CLSTN2: variants seen among roughly 807,000 people sequenced by gnomAD.
The protein encoded by CLSTN2 is calsyntenin-2.
A neutral mutation model predicts 101.2 loss-of-function variants in CLSTN2; 48 were observed. The ratio of observed to expected loss-of-function variants is 0.47; its 90% CI spans 0.38 to 0.60. The LOEUF (loss-of-function observed/expected upper bound fraction) is 0.60, where lower values mean the gene tolerates loss of function less well. CLSTN2 is among the 20% of genes least tolerant of loss of function. CLSTN2 has a pLI of 0.00. For missense variants in CLSTN2, 1,160 were observed against 1,238.2 expected, an observed-to-expected ratio of 0.94 and a Z score of 0.95; for synonymous variants, 481 against 463.6, an observed-to-expected ratio of 1.04 and a Z score of -0.48.
intron 2 of CLSTN2, among the ~76,000 whole-genome samples, chr3:140,239,937 A>G (rs200784629): frequency 0.042 from 24 of 576 alleles, no homozygotes; most frequent in South Asian, 0.5. Flanking sequence ...ATATATGTGT[A>G]TATATATATA....
intron 4 of CLSTN2, among the ~76,000 whole-genome samples, chr3:140,420,643 T>C (rs76044471): frequency 0.024 from 3,614 of 152,286 alleles, 134 homozygotes; most frequent in African/African-American, 0.083. Context: ...ACTTCCTATT[T>C]GGTAGCAAAA....
At chr3:140,444,225 T>C (rs13085384) in intron 5 of CLSTN2, among the ~76,000 whole-genome samples, 25,144 of 151,964 alleles carry the variant, frequency 0.17, 2,529 homozygotes, top group South Asian at 0.32. Flanking sequence ...AGGTCAGGAG[T>C]TCGAGACCAG....
intron 2 of CLSTN2, among the ~76,000 whole-genome samples, chr3:140,349,936 C>G (rs962276442): frequency 2.6e-5 from 4 of 152,206 alleles, no homozygotes; most frequent in Non-Finnish European, 5.9e-5. Flanking sequence ...CCACCTCTGA[C>G]ATCCTCCCCT....
At chr3:140,215,561 G>A (rs1324181083) in intron 2 of CLSTN2, among the ~76,000 whole-genome samples, 2 of 152,130 alleles carry the variant, frequency 1.3e-5, no homozygotes, top group Non-Finnish European at 2.9e-5. Context: ...TGTAATCTTG[G>A]AGAAACCTGA....
intron 1 of CLSTN2, among the ~76,000 whole-genome samples, chr3:140,166,363 A>G (rs2010135236): frequency 6.6e-6 from 1 of 152,182 alleles, no homozygotes; most frequent in South Asian, 2.1e-4. Context: ...CCAGCCTGAC[A>G]ATTGGAATAA....
chr3:140,416,436 T>C (rs1576555579), intron 4 of CLSTN2, among the ~76,000 whole-genome samples: 1 of 152,088 alleles, frequency 6.6e-6, no homozygotes, highest in East Asian at 1.9e-4. Context: ...GTTAAATAGC[T>C]TGATCATGGT....
intron 5 of CLSTN2, among the ~76,000 whole-genome samples, chr3:140,429,729 A>G (rs2088609223): frequency 6.6e-6 from 1 of 152,196 alleles, no homozygotes; most frequent in Non-Finnish European, 1.5e-5. Flanking sequence ...TTCTGAGTGC[A>G]CTTTCAAGTA....
At chr3:140,278,364 G>A (rs934406781) in intron 2 of CLSTN2, among the ~76,000 whole-genome samples, 3 of 151,784 alleles carry the variant, frequency 2.0e-5, no homozygotes, top group Admixed American at 6.6e-5. Context: ...ACACTTGAGC[G>A]AGCGGGTCCC....
chr3:140,568,577 G>A lies in CLSTN2; in HGVS notation c.*2324G>A, dbSNP rs1008869350. 3.9e-5 allele frequency: 6 copies of A among 152,180 alleles called. No homozygotes were observed. Among genetic ancestry groups the A allele is most frequent in the Non-Finnish European group, 7.3e-5 (5 of 68,036 alleles). 9.4% of individuals were successfully genotyped at this position (152,180 alleles called of 1,614,324 possible). ...CATTTAAATAAAAAAAAGATCTTTA[G>A]TTGGGCATTTAGGAGCAACTGAATT... On this transcript the variant is annotated 3_prime_UTR_variant, in exon 17 of 17. Transcript: ENST00000458420.
At chr3:140,155,918 A>T (rs2009946428) in intron 1 of CLSTN2, among the ~76,000 whole-genome samples, 1 of 151,990 alleles carries the variant, frequency 6.6e-6, no homozygotes, top group African/African-American at 2.4e-5. Flanking sequence ...TACAAGAGTA[A>T]GAAGCTGACA....
chr3:140,119,323 T>G (rs2009301096), intron 1 of CLSTN2, among the ~76,000 whole-genome samples: 1 of 152,232 alleles, frequency 6.6e-6, no homozygotes, highest in Non-Finnish European at 1.5e-5. Context: ...ACTTAGATGC[T>G]GAGGCTTGGA....
chr3:140,533,595 C>CA (rs1935302930), intron 9 of CLSTN2, among the ~76,000 whole-genome samples: 1 of 151,586 alleles, frequency 6.6e-6, no homozygotes, highest in African/African-American at 2.4e-5. Context: ...CTTGTAGTCC[C>CA]AGCTACTCGG....
At chr3:140,013,554 C>A (rs998428538) in intron 1 of CLSTN2, among the ~76,000 whole-genome samples, 3 of 152,098 alleles carry the variant, frequency 2.0e-5, no homozygotes, top group African/African-American at 4.8e-5. Flanking sequence ...TTTTCTGAGG[C>A]TTTTTCAATC....
Position 140,244,105 on chromosome 3 carries a change from C to T in CLSTN2, c.232+68032C>T, listed in dbSNP as rs561815715. The stretch of plus-strand genomic sequence containing the variant: ...TGAGTGCTAAGGGAAGAAGCGCTTG[C>T]ATCTGAATTCAGTTGTGGCTAACAG... On this transcript the variant is annotated intron_variant, in intron 2 of 16. Transcript: ENST00000458420. 2.0e-5 allele frequency among the ~76,000 whole-genome samples: 3 copies of T among 152,310 alleles called. No homozygotes were observed. In the South Asian group the frequency reaches 6.2e-4, roughly 32 times the overall value.
At chr3:140,421,410 C>A in intron 5 of CLSTN2, 136 bp downstream of exon 5, 1 of 1,051,906 alleles carries the variant, frequency 9.5e-7, no homozygotes. Flanking sequence ...AAGTAGCTTG[C>A]TTATTCTCAC....
At chr3:140,383,982 G>C (rs1404870233) in intron 2 of CLSTN2, among the ~76,000 whole-genome samples, 1 of 152,156 alleles carries the variant, frequency 6.6e-6, no homozygotes. Context: ...GCTGGAAACG[G>C]GTTACATTTA....
rs747500340 is a variant in CLSTN2 at position 140,562,327 on chromosome 3, C to T, written c.2212+19C>T. ...ATCTACGGTAAGGCCACACTCAGCC[C>T]CCTTTGCCCCAAGGGTGTCCTCTTA... On this transcript the variant is annotated intron_variant, in intron 13 of 16. Transcript: ENST00000458420. 39 of 1,604,526 alleles carry T rather than the reference C, an allele frequency of 2.4e-5. No individual in the cohort carries two copies. In the South Asian group the frequency reaches 3.7e-4, roughly 15 times the overall value.
At chr3:140,045,099 G>T (rs1019150423) in intron 1 of CLSTN2, among the ~76,000 whole-genome samples, 7 of 152,166 alleles carry the variant, frequency 4.6e-5, no homozygotes, top group African/African-American at 1.7e-4. Flanking sequence ...AGTTTCAGAA[G>T]GAATGGTACC....
chr3:140,161,133 C>T (rs900651749), intron 1 of CLSTN2, among the ~76,000 whole-genome samples: 1 of 152,094 alleles, frequency 6.6e-6, no homozygotes, highest in African/African-American at 2.4e-5. Flanking sequence ...GAGACTCCTC[C>T]AGCTGGCAAG....
Sources: allele counts gnomAD v4.1 joint callset (sites outside exome capture counted in the v4.1 genomes callset), GRCh38; gene constraint gnomAD v4.1.1; transcripts MANE v1.5; gene names NCBI Gene and HGNC (gene_info 2026-07-23, HGNC 2026-07-21).